Variants in WWOX observed in about 807,000 individuals in gnomAD.
WWOX encodes WW domain-containing oxidoreductase.
Under a neutral mutation model 46.2 loss-of-function variants are expected in WWOX, and 69 were observed. The ratio of observed to expected loss-of-function variants is 1.49; its 90% confidence interval spans 1.23 to 1.82. WWOX has a LOEUF of 1.82. Among genes scored for constraint, WWOX ranks in the 40% most tolerant of loss-of-function variants. The probability of loss-of-function intolerance (pLI) is 0.00; values close to 1 mark genes in which losing one functional copy is unlikely to be tolerated. For missense variants in WWOX, 919 were observed against 542.6 expected (o/e 1.69, Z -6.89); for synonymous variants, 359 against 202.6 (o/e 1.77, Z -6.56).
intron 8 of WWOX, among the ~76,000 whole-genome samples, chr16:78,475,569 G>A (rs1262103333): frequency 2.6e-5 from 4 of 152,076 alleles, no homozygotes; most frequent in African/African-American, 9.7e-5. Flanking sequence ...TGGACAATGA[G>A]TACTCACTCT....
intron 8 of WWOX, among the ~76,000 whole-genome samples, chr16:78,724,376 A>AT (rs144578973): frequency 1.3e-5 from 2 of 152,060 alleles, no homozygotes; most frequent in East Asian, 3.9e-4. Context: ...CTCCTAAAAT[A>AT]TTTTTTTTCC....
chr16:78,753,703 G>C (rs996269832), intron 8 of WWOX, among the ~76,000 whole-genome samples: 3 of 150,184 alleles, frequency 2.0e-5, no homozygotes, highest in African/African-American at 7.4e-5. Context: ...TCAGGAGGCT[G>C]AGGTGGGAGG....
chr16:78,757,050 C>G (rs544233832), intron 8 of WWOX: 6 of 702,516 alleles, frequency 8.5e-6, no homozygotes, highest in South Asian at 1.5e-5. Flanking sequence ...ATTCTGCAGC[C>G]CTAGTTAAGC....
In WWOX at chr16:78,325,963, C is replaced by T. The variant is rs144762591; in HGVS notation, c.517-60897C>T. Among the ~76,000 whole-genome samples the T allele has an allele frequency of 7.2e-5, 11 of 152,370 alleles. No homozygotes were observed. The East Asian group carries it at 1.3e-3, about 19-fold the overall frequency. Reference sequence around the variant, plus strand: ...GTGCTCAGCACATACAACATCATTTCATTTTCACAGCCCTTGTGACATGAT... The same window carrying T: ...GTGCTCAGCACATACAACATCATTTTATTTTCACAGCCCTTGTGACATGAT... On this transcript the variant is annotated intron_variant, in intron 5 of 8. Transcript: ENST00000566780.
At chr16:78,722,541 G>A (rs2048717776) in intron 8 of WWOX, among the ~76,000 whole-genome samples, 1 of 152,102 alleles carries the variant, frequency 6.6e-6, no homozygotes, top group Admixed American at 6.6e-5. Flanking sequence ...AGTTCAGTAA[G>A]AGTACAAAGC....
At position 78,939,632 on chromosome 16, in the gene WWOX, A is replaced by G. The variant is rs576049432; in HGVS notation, c.1057-271976A>G. On this transcript the variant is annotated intron_variant, in intron 8 of 8. Transcript: ENST00000566780. ...TTTTATCACATGGTCAAATTATTCA[A>G]TGATCAAATATCGAATTATTAAAAA... is the stretch of plus-strand genomic sequence containing the variant. 4.6e-5 allele frequency among the ~76,000 whole-genome samples: 7 copies of G among 152,386 alleles called. No homozygotes were observed. The East Asian group carries it at 7.7e-4, about 17-fold the overall frequency.
intron 8 of WWOX, among the ~76,000 whole-genome samples, chr16:79,074,014 T>A (rs1157671060): frequency 6.6e-6 from 1 of 151,308 alleles, no homozygotes; most frequent in East Asian, 1.9e-4. Flanking sequence ...AAAAAAAGCC[T>A]TTCACCATGG....
intron 8 of WWOX, among the ~76,000 whole-genome samples, chr16:78,765,401 G>A (rs368491282): frequency 2.0e-5 from 3 of 152,190 alleles, no homozygotes; most frequent in African/African-American, 4.8e-5. Flanking sequence ...ATTCGGGGCC[G>A]GGCACGGTGG....
At chr16:78,741,244 A>G (rs2049219191) in intron 8 of WWOX, among the ~76,000 whole-genome samples, 1 of 152,150 alleles carries the variant, frequency 6.6e-6, no homozygotes, top group South Asian at 2.1e-4. Flanking sequence ...ACTCCTTAGC[A>G]TTGCCATGTT....
chr16:78,292,412 G>C (rs1228647533), intron 5 of WWOX, among the ~76,000 whole-genome samples: 1 of 152,168 alleles, frequency 6.6e-6, no homozygotes, highest in Non-Finnish European at 1.5e-5. Flanking sequence ...AAACATGTTT[G>C]AATGGATTTT....
intron 5 of WWOX, among the ~76,000 whole-genome samples, chr16:78,221,116 T>C (rs1440069953): frequency 2.0e-5 from 3 of 152,186 alleles, no homozygotes; most frequent in Non-Finnish European, 1.5e-5. Context: ...ATTTTAAAAA[T>C]CTCTACAGCT....
In WWOX at chr16:79,211,507, C is replaced by T. The variant is rs143529599; in HGVS notation, c.1057-101C>T. ...ATGCCAAGATCCAGCTGAAACTGAA[C>T]CAGGTGGGGGAGGCCTGCTAATGCC... On this transcript the variant is annotated intron_variant, in intron 8 of 8. Transcript: ENST00000566780. 4.3e-4 allele frequency: 637 copies of T among 1,480,386 alleles called. 6 individuals are homozygous for T. In the African/African-American group the frequency reaches 7.4e-3, roughly 17 times the overall value. The allele number at this position is 1,480,386 out of a possible 1,614,324, so 91.7% of individuals were successfully genotyped here.
intron 8 of WWOX, among the ~76,000 whole-genome samples, chr16:78,686,681 A>G (rs1177482231): frequency 6.6e-6 from 1 of 152,024 alleles, no homozygotes; most frequent in African/African-American, 2.4e-5. Flanking sequence ...TGATAAGGAC[A>G]TTTTTCCGGG....
chr16:79,189,277 A>G (rs2051081151), intron 8 of WWOX, among the ~76,000 whole-genome samples: 1 of 151,108 alleles, frequency 6.6e-6, no homozygotes, highest in African/African-American at 2.4e-5. Flanking sequence ...GTTTTTTCTG[A>G]GACAGGATCT....
chr16:78,445,008 C>T (rs1023000430), intron 8 of WWOX, among the ~76,000 whole-genome samples: 2 of 150,962 alleles, frequency 1.3e-5, no homozygotes, highest in East Asian at 2.0e-4. Flanking sequence ...TTTCGGATCC[C>T]AGGTTCCAAA....
chr16:78,641,360 A>T (rs961383140), intron 8 of WWOX, among the ~76,000 whole-genome samples: 2 of 152,132 alleles, frequency 1.3e-5, no homozygotes, highest in African/African-American at 4.8e-5. Flanking sequence ...GCCTGGAAGG[A>T]CATACCCTTT....
At chr16:78,972,578 T>C (rs1483326809) in intron 8 of WWOX, among the ~76,000 whole-genome samples, 1 of 152,064 alleles carries the variant, frequency 6.6e-6, no homozygotes. Context: ...AGCAGGTGTG[T>C]AAATGTTCCA....
At position 78,183,773 on chromosome 16, in the gene WWOX, C is replaced by A. The variant is rs149242183; in HGVS notation, c.516+19484C>A. On this transcript the variant is annotated intron_variant, in intron 5 of 8. Transcript: ENST00000566780. ...TCTTCCCATCAACAACTCTTGTGCCCACGAGGGACTGGCCTCCTCAGTGCC... is the reference window on the plus strand; with the variant it reads ...TCTTCCCATCAACAACTCTTGTGCCAACGAGGGACTGGCCTCCTCAGTGCC... 4.1e-3 allele frequency among the ~76,000 whole-genome samples: 629 copies of A among 152,250 alleles called. 2 individuals are homozygous for A. The highest frequency in any genetic ancestry group is 0.014 in the African/African-American group (580 of 41,548).
At chr16:79,146,067 T>C (rs1949709043) in intron 8 of WWOX, among the ~76,000 whole-genome samples, 1 of 152,208 alleles carries the variant, frequency 6.6e-6, no homozygotes, top group Admixed American at 6.5e-5. Context: ...CCGGTAGAAC[T>C]TGGAATATTT....
Sources: gnomAD v4.1 joint callset for allele counts (sites outside exome capture counted in the v4.1 genomes callset) on GRCh38, gnomAD v4.1.1 for gene constraint, MANE v1.5 for transcripts, NCBI Gene and HGNC (gene_info 2026-07-23, HGNC 2026-07-21) for gene names.